The following PALM2AKAP2 variants were observed in gnomAD, a reference collection of about 807,000 sequenced individuals.
The protein encoded by PALM2AKAP2 is PALM2-AKAP2 fusion protein.
PALM2AKAP2 carries 37 observed loss-of-function variants against 71.5 expected under a neutral mutation model. The observed-to-expected ratio is 0.52, with a 90% CI of 0.40 to 0.68. PALM2AKAP2 has a LOEUF of 0.68. Among genes scored for constraint, PALM2AKAP2 ranks in the 30% least tolerant of loss-of-function variants. The pLI is 0.00. For missense variants in PALM2AKAP2, 1,224 were observed against 1,191.8 expected (o/e 1.03, Z -0.40); for synonymous variants, 468 against 478.8 (o/e 0.98, Z 0.29).
chr9:110,154,151 T>C (rs2119205806), intron 2 of PALM2AKAP2, among the ~76,000 whole-genome samples: 1 of 152,362 alleles, frequency 6.6e-6, no homozygotes, highest in Middle Eastern at 3.4e-3. Flanking sequence ...GCTAGAATCA[T>C]TAGATGCTTT....
intron 6 of PALM2AKAP2, chr9:109,943,462 A>G: frequency 1.3e-6 from 2 of 1,556,382 alleles, no homozygotes; most frequent in Non-Finnish European, 1.7e-6. Flanking sequence ...GGCAGCCTGT[A>G]CTCTCCACCA....
rs371721091 is a variant in PALM2AKAP2, at chr9:109,887,499, AG to A, written c.257+6819del. On this transcript the variant is annotated intron_variant, in intron 3 of 9. Coordinates refer to the PALM2AKAP2 transcript ENST00000302798. ...ATGCTATGTATACAGTAAACTATAT[AG>A]TAGTGTCTCTATATTGTGTAATATT... 8.4e-4 allele frequency among the ~76,000 whole-genome samples: 128 copies of A among 152,328 alleles called. 1 individual carries two copies. In the East Asian group the frequency reaches 0.016, roughly 19 times the overall value.
chr9:110,168,748 G>A (rs1044936712), exon 4 of PALM2AKAP2: 19 of 438,550 alleles, frequency 4.3e-5, no homozygotes, highest in African/African-American at 3.1e-4. Context: ...TCTGGTTTGG[G>A]GCCAATCTAC....
chr9:109,932,783 G>T (rs1243081095), intron 6 of PALM2AKAP2, among the ~76,000 whole-genome samples: 1 of 152,178 alleles, frequency 6.6e-6, no homozygotes, highest in Admixed American at 6.5e-5. Context: ...AATTGCCCAA[G>T]GTTGCATGGT....
At chr9:109,955,213 A>G (rs1300292814) in intron 6 of PALM2AKAP2, among the ~76,000 whole-genome samples, 1 of 152,116 alleles carries the variant, frequency 6.6e-6, no homozygotes, top group Admixed American at 6.6e-5. Context: ...AGTCCCCTGA[A>G]CTCTTTGGAT....
chr9:110,021,685 G>A (rs1485491904), intron 7 of PALM2AKAP2, among the ~76,000 whole-genome samples: 1 of 150,748 alleles, frequency 6.6e-6, no homozygotes, highest in Non-Finnish European at 1.5e-5. Context: ...CTGTATCTCA[G>A]AATAGCTTCT....
Position 110,137,891 on chromosome 9 carries a change from C to A in PALM2AKAP2, c.1921C>A (p.Pro641Thr), listed in dbSNP as rs201769704. The A allele has an allele frequency of 1.5e-5, 25 of 1,614,182 alleles. No individual in the cohort carries two copies. The East Asian group carries it at 5.6e-4, about 36-fold the overall frequency. The change falls in exon 2 of 4, where the codon CCT (proline) becomes ACT (threonine). Residue 641 changes from proline to threonine, a missense_variant. Coordinates refer to ENST00000374525, the Ensembl canonical transcript of PALM2AKAP2. ...ATTTAGTGATCATGGTTTCTATTCC[C>A]CTTCCTCCACGCTGGGGGACTCTCC...
intron 1 of PALM2AKAP2, among the ~76,000 whole-genome samples, chr9:109,661,663 A>G (rs1827399090): frequency 6.6e-6 from 1 of 152,164 alleles, no homozygotes; most frequent in Non-Finnish European, 1.5e-5. Context: ...TTTTGGTTCC[A>G]TATGAACTTT....
intron 7 of PALM2AKAP2, among the ~76,000 whole-genome samples, chr9:110,023,963 A>C (rs1443387211): frequency 6.6e-6 from 1 of 152,144 alleles, no homozygotes; most frequent in Non-Finnish European, 1.5e-5. Flanking sequence ...AAAAAATAAA[A>C]TAAAAATAAA....
intron 6 of PALM2AKAP2, among the ~76,000 whole-genome samples, chr9:109,973,802 G>T (rs1401006624): frequency 6.6e-6 from 1 of 152,194 alleles, no homozygotes; most frequent in Non-Finnish European, 1.5e-5. Context: ...ACTTGCCCAA[G>T]ATGTAGCCAG....
At chr9:109,834,734 A>T (rs1828409013) in intron 1 of PALM2AKAP2, among the ~76,000 whole-genome samples, 2 of 152,164 alleles carry the variant, frequency 1.3e-5, no homozygotes, top group Admixed American at 1.3e-4. Flanking sequence ...AGGACCTCTT[A>T]AATCTTCAGA....
At chr9:109,680,819 C>T (rs1564110804) in intron 1 of PALM2AKAP2, among the ~76,000 whole-genome samples, 1 of 152,248 alleles carries the variant, frequency 6.6e-6, no homozygotes, top group East Asian at 1.9e-4. Flanking sequence ...TACTGCTAAT[C>T]CTCCTGAGGT....
intron 1 of PALM2AKAP2, among the ~76,000 whole-genome samples, chr9:110,067,567 C>T (rs143058916): frequency 4.0e-4 from 61 of 152,264 alleles, no homozygotes; most frequent in African/African-American, 1.4e-3. Context: ...GTGCACAGTC[C>T]TCTTAAAAAA....
At chr9:110,031,370 TCCG>T (rs942189904) in intron 7 of PALM2AKAP2, among the ~76,000 whole-genome samples, 2 of 152,142 alleles carry the variant, frequency 1.3e-5, no homozygotes, top group African/African-American at 4.8e-5. Flanking sequence ...CCTCAACTGA[TCCG>T]CCCACCTCAG....
intron 3 of PALM2AKAP2, among the ~76,000 whole-genome samples, chr9:110,157,473 A>C (rs1042749896): frequency 6.6e-6 from 1 of 152,012 alleles, no homozygotes; most frequent in Admixed American, 6.6e-5. Flanking sequence ...ATCATGGCTC[A>C]TTGCAGCCTC....
At chr9:109,695,486 C>T (rs1027569716) in intron 1 of PALM2AKAP2, among the ~76,000 whole-genome samples, 8 of 152,104 alleles carry the variant, frequency 5.3e-5, no homozygotes, top group African/African-American at 1.9e-4. Flanking sequence ...TGATAATAGT[C>T]ATTTTAACTG....
intron 7 of PALM2AKAP2, among the ~76,000 whole-genome samples, chr9:110,036,408 G>A (rs191241612): frequency 2.7e-4 from 41 of 152,292 alleles, no homozygotes; most frequent in Admixed American, 6.5e-5. Context: ...CATGTGTCAT[G>A]TGCCTGGTGC....
At position 110,067,085 on chromosome 9, in the gene PALM2AKAP2, T is replaced by A. The variant is rs117115344; in HGVS notation, c.156+18230T>A. 2.9e-3 allele frequency among the ~76,000 whole-genome samples: 434 copies of A among 152,232 alleles called. 8 individuals carry two copies. The highest frequency in any genetic ancestry group is 0.013 in the East Asian group (65 of 5,188). The stretch of plus-strand genomic sequence containing the variant: ...AGAGAATGAGGAAGGAGAATGACTA[T>A]TAGTCATTCTAACGTTAGTCTGTTT... On this transcript the variant is annotated intron_variant, in intron 1 of 3. Coordinates refer to ENST00000374525, the Ensembl canonical transcript of PALM2AKAP2.
chr9:109,764,756 T>C (rs1829122555), intron 1 of PALM2AKAP2, among the ~76,000 whole-genome samples: 1 of 151,786 alleles, frequency 6.6e-6, no homozygotes, highest in East Asian at 1.9e-4. Context: ...ATGGATGGGA[T>C]GGGATGGATG....
Sources: allele counts gnomAD v4.1 joint callset (sites outside exome capture counted in the v4.1 genomes callset), GRCh38; gene constraint gnomAD v4.1.1; transcripts MANE v1.5; gene names NCBI Gene and HGNC (gene_info 2026-07-23, HGNC 2026-07-21).